CMTM7: variants seen among roughly 807,000 people sequenced by gnomAD.
CMTM7 encodes CKLF like MARVEL transmembrane domain containing 7.
A neutral mutation model predicts 19.3 loss-of-function variants in CMTM7; 7 were observed. That is an observed-to-expected ratio of 0.36 (90% CI 0.21 to 0.68). The LOEUF is 0.68. Ranked by LOEUF, CMTM7 falls within the 30% of genes least tolerant of loss-of-function variation. The probability of loss-of-function intolerance (pLI) is 0.60; values close to 1 mark genes in which losing one functional copy is unlikely to be tolerated. For missense variants in CMTM7, 193 were observed against 232.6 expected, an observed-to-expected ratio of 0.83 and a Z score of 1.11; for synonymous variants, 87 against 99.3, an observed-to-expected ratio of 0.88 and a Z score of 0.74.
chr3:32,418,102 G>A (rs374577527), intron 1 of CMTM7, among the ~76,000 whole-genome samples: 2 of 152,294 alleles, frequency 1.3e-5, no homozygotes, highest in East Asian at 3.9e-4. Context: ...GATTACAGTT[G>A]CGAGCCACCG....
chr3:32,454,116 A>T (rs543578427), intron 4 of CMTM7, 125 bp from the exon 5 acceptor site: 2 of 1,018,514 alleles, frequency 2.0e-6, no homozygotes, highest in African/African-American at 3.2e-5. Flanking sequence ...TCTCAGTGCA[A>T]GTCGGCACTG....
chr3:32,440,948 C>T lies in CMTM7; in HGVS notation c.160-892C>T, dbSNP rs116673551. On this transcript the variant is annotated intron_variant, in intron 1 of 4. Transcript: ENST00000334983. ...TCTACTTTCTTGTACTCATGCATTG[C>T]TAATAGTTTTCATCTGGTTATTAAT... Among the ~76,000 whole-genome samples, 350 of 152,326 alleles carry T rather than the reference C, an allele frequency of 2.3e-3. 2 individuals are homozygous for T. The highest frequency in any genetic ancestry group is 8.1e-3 in the African/African-American group (337 of 41,568).
chr3:32,444,964 G>A (rs1177623669), intron 2 of CMTM7, among the ~76,000 whole-genome samples: 1 of 152,074 alleles, frequency 6.6e-6, no homozygotes, highest in African/African-American at 2.4e-5. Flanking sequence ...TCTTTTTGAT[G>A]CTATTTTAAA....
At position 32,454,599 on chromosome 3, in the gene CMTM7, A is replaced by C; in HGVS notation, c.*345A>C. ...GGGGTTTGTGAATACTCCCGCCTAA[A>C]TCCCTTCTACTTCACTCCTCAGGGG... On this transcript the variant is annotated 3_prime_UTR_variant, in exon 5 of 5. Coordinates refer to ENST00000334983, the MANE Select transcript of CMTM7 (RefSeq NM_138410.4). 2 of 476,376 alleles carry C rather than the reference A, an allele frequency of 4.2e-6. No individual in the cohort carries two copies. The highest frequency in any genetic ancestry group is 4.0e-6 in the Non-Finnish European group (1 of 251,260). 29.5% of individuals were successfully genotyped at this position (476,376 alleles called of 1,614,324 possible).
chr3:32,424,292 G>A (rs1164519556), intron 1 of CMTM7, among the ~76,000 whole-genome samples: 3 of 152,204 alleles, frequency 2.0e-5, no homozygotes, highest in Admixed American at 1.3e-4. Context: ...CAGCCTGAGA[G>A]TGCGGACCAG....
Position 32,441,846 on chromosome 3 carries a change from CT to C in CMTM7, c.167del (p.Leu56ArgfsTer2). ...GTCTCTATTTATGTGGCAGGTCACC[CT>C]GCTGATTGCCTTCATCTGTGTGCGG... Reference protein sequence around the residue: ...ALLKVAQMVTLLIAFICVRSS... With the variant: ...ALLKVAQMVTXLIAFICVRSS... On this transcript the variant is annotated frameshift_variant, in exon 2 of 5. Transcript: ENST00000334983. LOFTEE classifies it high-confidence loss of function. 1 of 1,613,984 alleles carries C rather than the reference CT, an allele frequency of 6.2e-7. No individual in the cohort carries two copies. Among genetic ancestry groups the C allele is most frequent in the Non-Finnish European group, 8.5e-7 (1 of 1,179,912 alleles).
chr3:32,443,691 A>G (rs1478387864), intron 2 of CMTM7, among the ~76,000 whole-genome samples: 1 of 152,212 alleles, frequency 6.6e-6, no homozygotes, highest in Non-Finnish European at 1.5e-5. Context: ...CCAGGAGTGT[A>G]TGAAGGTTCC....
At chr3:32,453,490 C>G (rs1696866296) in intron 4 of CMTM7, among the ~76,000 whole-genome samples, 1 of 152,176 alleles carries the variant, frequency 6.6e-6, no homozygotes, top group Non-Finnish European at 1.5e-5. Context: ...CTTAGCAACT[C>G]CGTGGGTTGC....
At chr3:32,427,728 A>G (rs1164091537) in intron 1 of CMTM7, among the ~76,000 whole-genome samples, 1 of 152,186 alleles carries the variant, frequency 6.6e-6, no homozygotes, top group Non-Finnish European at 1.5e-5. Flanking sequence ...CAGGGGGCAG[A>G]TTAAAGGATA....
chr3:32,429,657 G>T (rs1183982548), intron 1 of CMTM7, among the ~76,000 whole-genome samples: 1 of 149,124 alleles, frequency 6.7e-6, no homozygotes, highest in Non-Finnish European at 1.5e-5. Context: ...CTGGAGTGCA[G>T]TGGCGCGATC....
At chr3:32,407,207 G>A (rs988805540) in intron 1 of CMTM7, among the ~76,000 whole-genome samples, 4 of 152,086 alleles carry the variant, frequency 2.6e-5, no homozygotes, top group African/African-American at 9.7e-5. Flanking sequence ...CCTTCCTTCC[G>A]CTTGCAAACC....
intron 1 of CMTM7, among the ~76,000 whole-genome samples, chr3:32,394,955 C>G (rs1695893762): frequency 1.3e-5 from 2 of 151,702 alleles, no homozygotes; most frequent in South Asian, 4.2e-4. Context: ...CTCTGCCTCC[C>G]AAAGCGCTGG....
At chr3:32,418,594 C>A (rs146902309) in intron 1 of CMTM7, among the ~76,000 whole-genome samples, 3 of 152,148 alleles carry the variant, frequency 2.0e-5, no homozygotes, top group African/African-American at 7.2e-5. Context: ...TAAGTATGGG[C>A]CAGGGGTCGT....
At chr3:32,409,419 C>A (rs1171346036) in intron 1 of CMTM7, among the ~76,000 whole-genome samples, 1 of 152,140 alleles carries the variant, frequency 6.6e-6, no homozygotes. Flanking sequence ...AGAAGAAAGA[C>A]CCTTTCTTAC....
chr3:32,415,032 G>A (rs1696238791), intron 1 of CMTM7, among the ~76,000 whole-genome samples: 2 of 152,002 alleles, frequency 1.3e-5, no homozygotes, highest in African/African-American at 4.8e-5. Flanking sequence ...CCACAGTCTA[G>A]CCCAGGGACC....
At chr3:32,445,961 T>C (rs923945618) in intron 2 of CMTM7, among the ~76,000 whole-genome samples, 1 of 152,242 alleles carries the variant, frequency 6.6e-6, no homozygotes. Flanking sequence ...AAAAGAGATA[T>C]TGGTCTGTAG....
At chr3:32,393,609 A>T (rs2125615543) in intron 1 of CMTM7, among the ~76,000 whole-genome samples, 1 of 152,244 alleles carries the variant, frequency 6.6e-6, no homozygotes, top group East Asian at 1.9e-4. Context: ...TCGGCAACAT[A>T]GCGAGACCCC....
chr3:32,440,846 GT>G (rs1696664172), intron 1 of CMTM7, among the ~76,000 whole-genome samples: 1 of 152,232 alleles, frequency 6.6e-6, no homozygotes, highest in Admixed American at 6.5e-5. Context: ...TGAATCCCGT[GT>G]GTTACTGGTT....
In CMTM7 at chr3:32,443,273, GT is replaced by G. The variant is rs112194509; in HGVS notation, c.333+1271del. The stretch of plus-strand genomic sequence containing the variant: ...GCCACCACACCTGGATAATTTTTGT[GT>G]TTTTTTTTTTACAGAGATGAGGTTT... On this transcript the variant is annotated intron_variant, in intron 2 of 4. Transcript: ENST00000334983. Among the ~76,000 whole-genome samples the G allele has an allele frequency of 8.8e-3, 1,269 of 144,752 alleles. 20 individuals are homozygous for G. The highest frequency in any genetic ancestry group is 0.029 in the African/African-American group (1,164 of 39,736). The allele number at this position is 144,752 out of a possible 152,430, so 95.0% of individuals were successfully genotyped here.
Sources: gnomAD v4.1 joint callset for allele counts (sites outside exome capture counted in the v4.1 genomes callset) on GRCh38, gnomAD v4.1.1 for gene constraint, MANE v1.5 for transcripts, NCBI Gene and HGNC (gene_info 2026-07-23, HGNC 2026-07-21) for gene names.